Variants in CCDC154 observed in about 807,000 individuals in gnomAD.
The protein encoded by CCDC154 is coiled-coil domain containing 154.
Under a neutral mutation model 87.5 loss-of-function variants are expected in CCDC154, and 91 were observed. The observed-to-expected ratio is 1.04, with a 90% CI of 0.88 to 1.24. The LOEUF is 1.24. Among genes scored for constraint, CCDC154 ranks in the 50% most tolerant of loss-of-function variants. CCDC154 has a pLI of 0.00. For synonymous variants in CCDC154, 418 were observed against 400.4 expected (o/e 1.04, Z -0.52); for missense variants, 903 against 879.2 (o/e 1.03, Z -0.34).
Position 1,438,324 on chromosome 16 carries a change from C to T in CCDC154, c.1026-148G>A, listed in dbSNP as rs189257848. The T allele has an allele frequency of 7.8e-6, 8 of 1,019,466 alleles. No homozygotes were observed. The Admixed American group carries it at 1.5e-4, about 19-fold the overall frequency. The allele number at this position is 1,019,466 out of a possible 1,614,324, so 63.2% of individuals were successfully genotyped here. A position where few individuals can be genotyped will look rare whatever the true frequency, so the allele number is the denominator to read the frequency against. On this transcript the variant is annotated intron_variant, in intron 9 of 16. Transcript: ENST00000389176. ...GGGTGCGGTCACAGTGCCACCAACA[C>T]GGGTTCACTCCCCATGGCCACCAAG...
intron 6 of CCDC154, among the ~76,000 whole-genome samples, chr16:1,439,614 C>T (rs1190183742): frequency 2.0e-5 from 3 of 152,204 alleles, no homozygotes; most frequent in East Asian, 1.9e-4. Context: ...GGTAGGCAGG[C>T]GGCACAGGCC....
At position 1,437,863 on chromosome 16, in the gene CCDC154, C is replaced by A. The variant is rs1402656437; in HGVS notation, c.1244G>T (p.Ser415Ile). 1 of 1,543,194 alleles carries A rather than the reference C, an allele frequency of 6.5e-7. No individual in the cohort carries two copies. The highest frequency in any genetic ancestry group is 8.7e-7 in the Non-Finnish European group (1 of 1,146,220). The change falls in exon 11 of 17, where the codon AGC becomes ATC. Residue 415 changes from serine to isoleucine, a missense_variant. Coordinates refer to ENST00000389176, the MANE Select transcript of CCDC154 (RefSeq NM_001143980.3). Reference protein sequence around the residue: ...ELSGHLPALSSRLDLQEQMLG... With the variant: ...ELSGHLPALSIRLDLQEQMLG... ...CATCTGCTCCTGCAGATCGAGCCGG[C>A]TGCTCAGAGCCGGGAGATGGCCACT...
chr16:1,434,951 A>G lies in CCDC154; in HGVS notation c.1693-99T>C. 3.5e-6 allele frequency: 5 copies of G among 1,419,862 alleles called. No homozygotes were observed. In the South Asian group the frequency reaches 7.0e-5, roughly 20 times the overall value. 88.0% of individuals were successfully genotyped at this position (1,419,862 alleles called of 1,614,324 possible). Reference sequence around the variant, plus strand: ...CCCACCGGGAGCCTGGAAGCCATTTATCTTCAGGGAAACCCTGCCCATGGC... The same window carrying G: ...CCCACCGGGAGCCTGGAAGCCATTTGTCTTCAGGGAAACCCTGCCCATGGC... On this transcript the variant is annotated intron_variant, in intron 15 of 16. Transcript: ENST00000389176.
intron 1 of CCDC154, 70 bp downstream of exon 1, chr16:1,444,246 A>G (rs949375220): frequency 7.8e-7 from 1 of 1,277,146 alleles, no homozygotes; most frequent in East Asian, 5.6e-5. Flanking sequence ...CGGGGTCAGA[A>G]GCAGAGCGGT....
In CCDC154 at chr16:1,437,848, T is replaced by C. The variant is rs952646922; in HGVS notation, c.1259A>G (p.Gln420Arg). Reference sequence around the variant, plus strand: ...CAGCCTGAGGCCCAGCATCTGCTCCTGCAGATCGAGCCGGCTGCTCAGAGC... The same window carrying C: ...CAGCCTGAGGCCCAGCATCTGCTCCCGCAGATCGAGCCGGCTGCTCAGAGC... ...LPALSSRLDL[Q>R]EQMLGLRLSE... The change falls in exon 11 of 17, where the codon CAG (glutamine) becomes CGG (arginine). Residue 420 changes from glutamine (Q) to arginine (R), a missense_variant. Gln to Arg is a conservative substitution (Grantham distance 43). Coordinates refer to ENST00000389176, the MANE Select transcript of CCDC154 (RefSeq NM_001143980.3). 22 of 1,540,328 alleles carry C rather than the reference T, an allele frequency of 1.4e-5. No homozygotes were observed. The highest frequency in any genetic ancestry group is 1.9e-5 in the Non-Finnish European group (22 of 1,145,944).
intron 11 of CCDC154, 42 bp from the exon 12 acceptor site, chr16:1,436,853 G>A: frequency 6.5e-7 from 1 of 1,547,432 alleles, no homozygotes; most frequent in Admixed American, 2.0e-5. Flanking sequence ...CCAAGAGAGG[G>A]GGGACAGACA....
chr16:1,440,662 C>T (rs2038543430), intron 6 of CCDC154, among the ~76,000 whole-genome samples: 1 of 150,850 alleles, frequency 6.6e-6, no homozygotes, highest in Non-Finnish European at 1.5e-5. Flanking sequence ...AAAAAATTAG[C>T]CAGGCGGGCT....
intron 11 of CCDC154, among the ~76,000 whole-genome samples, 154 bp from the exon 12 acceptor site, chr16:1,436,965 C>T (rs929162829): frequency 1.1e-4 from 16 of 152,204 alleles, no homozygotes; most frequent in Non-Finnish European, 1.3e-4. Context: ...GCTGGGATGG[C>T]CTGGCCGGGC....
chr16:1,442,891 C>G lies in CCDC154; in HGVS notation c.540G>C (p.Glu180Asp), dbSNP rs1596205797. The G allele has an allele frequency of 6.5e-7, 1 of 1,549,350 alleles. No homozygotes were observed. Among genetic ancestry groups the G allele is most frequent in the East Asian group, 2.4e-5 (1 of 40,892 alleles). ...CGGTGGGCGCCCACCTGAGGCCGGC[C>G]TCTTGCTCGGCGCCCCTTCTCTCCG... ...QEAERRGAEQEAGLRLAKLTD... is the reference protein window; with the variant it reads ...QEAERRGAEQDAGLRLAKLTD... Residue 180 changes from glutamate (E) to aspartate (D), a missense_variant, in exon 5 of 17, where the codon GAG becomes GAC. Coordinates refer to ENST00000389176, the MANE Select transcript of CCDC154 (RefSeq NM_001143980.3).
chr16:1,436,056 C>T lies in CCDC154; in HGVS notation c.1518G>A (p.Glu506=), dbSNP rs1399916976. Residue 506 remains glutamate, a synonymous_variant, in exon 14 of 17, where the codon GAG becomes GAA. Transcript: ENST00000389176. The part of the protein sequence containing the change: ...REFKVGALRQ[E]LATLLSSVQL... Reference sequence around the variant, plus strand: ...GCACGGATGATAGTAGCGTGGCCAGCTCCTGCCGCAGGGCCCCAACCTTGA... The same window carrying T: ...GCACGGATGATAGTAGCGTGGCCAGTTCCTGCCGCAGGGCCCCAACCTTGA... 6.5e-7 allele frequency: 1 copy of T among 1,550,224 alleles called. No individual in the cohort carries two copies. Among genetic ancestry groups the T allele is most frequent in the Non-Finnish European group, 8.7e-7 (1 of 1,146,902 alleles).
At chr16:1,436,977 C>T (rs779533773) in intron 11 of CCDC154, among the ~76,000 whole-genome samples, 166 bp from the exon 12 acceptor site, 9 of 152,200 alleles carry the variant, frequency 5.9e-5, no homozygotes, top group Admixed American at 1.3e-4. Flanking sequence ...TGGCCGGGCA[C>T]GCTCTGGAGA....
intron 12 of CCDC154, 49 bp downstream of exon 12, chr16:1,436,643 G>T: frequency 6.5e-7 from 1 of 1,547,136 alleles, no homozygotes. Context: ...AGGGTCCCAC[G>T]CCACCTCCAA....
chr16:1,434,706 C>T lies in CCDC154; in HGVS notation c.1839G>A (p.Val613=). Residue 613 remains valine (V), a synonymous_variant, in exon 16 of 17, where the codon GTG becomes GTA. Coordinates refer to ENST00000389176, the MANE Select transcript of CCDC154 (RefSeq NM_001143980.3). ...ACACGCCCCAGCAGTTCATGGGCAC[C>T]ACCTTGCCAGGCGCCATGTCCTTGA... The part of the protein sequence containing the change: ...VFIKDMAPGK[V]VPMNCWGVYQ... 1 of 1,547,014 alleles carries T rather than the reference C, an allele frequency of 6.5e-7. No individual in the cohort carries two copies. The highest frequency in any genetic ancestry group is 8.7e-7 in the Non-Finnish European group (1 of 1,146,806).
chr16:1,436,197 G>T (rs1039033535), intron 13 of CCDC154, 111 bp from the exon 14 acceptor site: 1 of 978,870 alleles, frequency 1.0e-6, no homozygotes, highest in African/African-American at 1.6e-5. Context: ...GGCTCGAGGG[G>T]GCTCAGCCCT....
chr16:1,444,462 G>A lies in CCDC154; in HGVS notation c.-140C>T, dbSNP rs575620032. The A allele has an allele frequency of 4.7e-5, 41 of 869,626 alleles. No homozygotes were observed. In the East Asian group the frequency reaches 1.5e-3, roughly 32 times the overall value. The allele number at this position is 869,626 out of a possible 1,614,324, so 53.9% of individuals were successfully genotyped here. A position where few individuals can be genotyped will look rare whatever the true frequency, so the allele number is the denominator to read the frequency against. ...GTGAGAGCTCTGGGCCTTGAGGGAC[G>A]AGCTGCTGCCCTCGTCTGGCTGCCT... On this transcript the variant is annotated 5_prime_UTR_variant, in exon 1 of 17. Transcript: ENST00000389176.
chr16:1,441,166 A>C (rs1317245538), intron 6 of CCDC154, among the ~76,000 whole-genome samples: 1 of 152,170 alleles, frequency 6.6e-6, no homozygotes, highest in Non-Finnish European at 1.5e-5. Context: ...CTGGCCCTAG[A>C]GAGCACTCAG....
chr16:1,443,020 C>T (rs1270917988), intron 4 of CCDC154, 45 bp from the exon 5 acceptor site: 36 of 1,545,552 alleles, frequency 2.3e-5, no homozygotes, highest in Non-Finnish European at 3.1e-5. Context: ...GCGGGCTGAG[C>T]AGCCTCGGCG....
chr16:1,438,125 A>C lies in CCDC154; in HGVS notation c.1077T>G (p.Tyr359Ter). ...EESRAGELAAYVQENLEAAQL... is the reference protein window; with the variant it reads ...EESRAGELAA Reference sequence around the variant, plus strand: ...GTGCGGCCTCCAGGTTCTCCTGCACATAGGCGGCCAGCTCCCCAGCCCGGC... The same window carrying C: ...GTGCGGCCTCCAGGTTCTCCTGCACCTAGGCGGCCAGCTCCCCAGCCCGGC... Residue 359 changes from tyrosine (Y) to a stop codon, truncating the protein, a stop_gained, in exon 10 of 17, where the codon TAT becomes TAG. Transcript: ENST00000389176. LOFTEE classifies it high-confidence loss of function. 1 of 1,548,066 alleles carries C rather than the reference A, an allele frequency of 6.5e-7. No homozygotes were observed. The highest frequency in any genetic ancestry group is 8.7e-7 in the Non-Finnish European group (1 of 1,145,714).
At position 1,439,049 on chromosome 16, in the gene CCDC154, C is replaced by G. The variant is rs953864117; in HGVS notation, c.753G>C (p.Gln251His). The change falls in exon 7 of 17, where the codon CAG (glutamine) becomes CAC (histidine). Residue 251 changes from glutamine (Q) to histidine (H), a missense_variant. Gln to His is a conservative substitution (Grantham distance 24, BLOSUM62 0). Transcript: ENST00000389176. ...CCTTCTCCAGGGCCAGGAAGCTCTTCTGCAGGAAGCCGCACAGCTTGGCCT... is the reference window on the plus strand; with the variant it reads ...CCTTCTCCAGGGCCAGGAAGCTCTTGTGCAGGAAGCCGCACAGCTTGGCCT... Reference protein sequence around the residue: ...KREAKLCGFLQKSFLALEKRM... With the variant: ...KREAKLCGFLHKSFLALEKRM... The G allele has an allele frequency of 1.3e-6, 2 of 1,550,304 alleles. No homozygotes were observed. Among genetic ancestry groups the G allele is most frequent in the Admixed American group, 3.9e-5 (2 of 51,008 alleles).
Sources: allele counts gnomAD v4.1 joint callset (sites outside exome capture counted in the v4.1 genomes callset), GRCh38; gene constraint gnomAD v4.1.1; transcripts MANE v1.5; gene names NCBI Gene and HGNC (gene_info 2026-07-23, HGNC 2026-07-21).